DNAAF5: variants seen among roughly 807,000 people sequenced by gnomAD.
DNAAF5 encodes the protein HEAT repeat containing 2.
DNAAF5 carries 64 observed loss-of-function variants against 75.8 expected under a neutral mutation model. The observed-to-expected ratio is 0.84, with a 90% confidence interval of 0.69 to 1.04. The LOEUF is 1.04. Ranked by LOEUF, DNAAF5 falls within the 50% of genes least tolerant of loss-of-function variation. The pLI is 0.00. For missense variants in DNAAF5, 1,269 were observed against 1,178.5 expected, an observed-to-expected ratio of 1.08 and a Z score of -1.12; for synonymous variants, 657 against 557.2, an observed-to-expected ratio of 1.18 and a Z score of -2.52.
At chr7:766,559 AT>A (rs2128081880) in intron 8 of DNAAF5, among the ~76,000 whole-genome samples, 1 of 152,382 alleles carries the variant, frequency 6.6e-6, no homozygotes, top group Admixed American at 6.5e-5. Context: ...TTAGGAAAAT[AT>A]TTGCAATAAG....
chr7:749,704 T>C (rs1782228332), intron 4 of DNAAF5, among the ~76,000 whole-genome samples: 1 of 152,108 alleles, frequency 6.6e-6, no homozygotes, highest in African/African-American at 2.4e-5. Context: ...AGGAACTTCT[T>C]TTTCTTTTTT....
chr7:769,202 C>T (rs770566872), intron 8 of DNAAF5: 4 of 772,556 alleles, frequency 5.2e-6, no homozygotes, highest in African/African-American at 5.1e-5. Flanking sequence ...AGCAACGGCT[C>T]AAGGTGACTC....
intron 4 of DNAAF5, among the ~76,000 whole-genome samples, chr7:750,099 G>A (rs563006546): frequency 2.4e-4 from 37 of 152,212 alleles, no homozygotes; most frequent in Non-Finnish European, 4.8e-4. Context: ...ACCACGTGGA[G>A]GAGGGTGGTC....
At position 775,165 on chromosome 7, in the gene DNAAF5, A is replaced by C; in HGVS notation, c.2239+3A>C. On this transcript the variant is annotated splice_donor_region_variant and intron_variant, in intron 11 of 12. Coordinates refer to ENST00000297440, the MANE Select transcript of DNAAF5 (RefSeq NM_017802.4). ...GAAACTCATCAGGATTTATCCTGGTAGGACATTTCTGTTGTTCACAGCCTG... is the reference window on the plus strand; with the variant it reads ...GAAACTCATCAGGATTTATCCTGGTCGGACATTTCTGTTGTTCACAGCCTG... The C allele has an allele frequency of 6.2e-7, 1 of 1,613,974 alleles. No individual in the cohort carries two copies. Among genetic ancestry groups the C allele is most frequent in the Non-Finnish European group, 8.5e-7 (1 of 1,179,872 alleles).
Position 746,268 on chromosome 7 carries a change from C to T in DNAAF5, c.1024+4803C>T, listed in dbSNP as rs750159951. 3.2e-4 allele frequency among the ~76,000 whole-genome samples: 45 copies of T among 140,030 alleles called. 1 individual carries two copies. Among genetic ancestry groups the T allele is most frequent in the Non-Finnish European group, 6.7e-4 (43 of 64,334 alleles). 91.9% of individuals were successfully genotyped at this position (140,030 alleles called of 152,430 possible). ...GGGTCTGTGACGCTCTCCTTACTGT[C>T]TTGCCCCCCCCTGCCCGCTGGGCCC... is the stretch of plus-strand genomic sequence containing the variant. On this transcript the variant is annotated intron_variant, in intron 4 of 12. Transcript: ENST00000297440.
intron 7 of DNAAF5, among the ~76,000 whole-genome samples, chr7:763,468 C>T (rs369930475): frequency 1.3e-5 from 2 of 152,254 alleles, no homozygotes; most frequent in Non-Finnish European, 2.9e-5. Flanking sequence ...CTGCTCCTCA[C>T]CACCTCAGAG....
chr7:727,224 G>C lies in DNAAF5; in HGVS notation c.504G>C (p.Leu168=). The change falls in exon 1 of 13, where the codon CTG becomes CTC. Residue 168 remains leucine (L), a synonymous_variant. Coordinates refer to ENST00000297440, the MANE Select transcript of DNAAF5 (RefSeq NM_017802.4). ...TCGCGCCCCACCTGGACGACGCTCT[G>C]CGCGCGCTGCGCTGCTCCCTGCTCG... ...AALAPHLDDA[L]RALRCSLLDP... The C allele has an allele frequency of 7.4e-7, 1 of 1,347,766 alleles. No individual in the cohort carries two copies. Among genetic ancestry groups the C allele is most frequent in the Non-Finnish European group, 9.5e-7 (1 of 1,049,688 alleles). The allele number at this position is 1,347,766 out of a possible 1,614,324, so 83.5% of individuals were successfully genotyped here.
intron 4 of DNAAF5, among the ~76,000 whole-genome samples, chr7:752,820 G>T (rs1042393594): frequency 6.6e-6 from 1 of 152,252 alleles, no homozygotes; most frequent in Non-Finnish European, 1.5e-5. Flanking sequence ...GATGATGTAT[G>T]TAAGGATTTA....
Position 726,877 on chromosome 7 carries a change from C to T in DNAAF5, c.157C>T (p.Leu53=). 7.5e-7 allele frequency: 1 copy of T among 1,327,230 alleles called. No individual in the cohort carries two copies. The highest frequency in any genetic ancestry group is 9.6e-7 in the Non-Finnish European group (1 of 1,040,826). The allele number at this position is 1,327,230 out of a possible 1,614,324, so 82.2% of individuals were successfully genotyped here. Residue 53 remains leucine (L), a synonymous_variant, in exon 1 of 13, where the codon CTG becomes TTG. Transcript: ENST00000297440. Reference sequence around the variant, plus strand: ...GGGCCGGCGGCGCGCCTTGGAGGCCCTGCGGCGCGCGCTGGAGGAGCCAGG... The same window carrying T: ...GGGCCGGCGGCGCGCCTTGGAGGCCTTGCGGCGCGCGCTGGAGGAGCCAGG... ...KPGRRRALEA[L]RRALEEPGPA...
chr7:729,408 T>G (rs1781488017), intron 1 of DNAAF5, among the ~76,000 whole-genome samples: 1 of 152,232 alleles, frequency 6.6e-6, no homozygotes, highest in African/African-American at 2.4e-5. Flanking sequence ...CTTTCCCCGC[T>G]GGTCCTCCTA....
intron 2 of DNAAF5, among the ~76,000 whole-genome samples, chr7:732,187 C>T (rs895660626): frequency 3.3e-5 from 5 of 152,348 alleles, no homozygotes; most frequent in East Asian, 1.9e-4. Flanking sequence ...CCTTAGGCCC[C>T]GGGATGGTGT....
At chr7:745,742 G>GTACACATGTACATACACA (rs1782079656) in intron 4 of DNAAF5, among the ~76,000 whole-genome samples, 1 of 152,232 alleles carries the variant, frequency 6.6e-6, no homozygotes, top group African/African-American at 2.4e-5. Flanking sequence ...GCACATACAT[G>GTACACATGTACATACACA]TACACATGTA....
At chr7:782,777 C>A (rs955085800) in intron 12 of DNAAF5, among the ~76,000 whole-genome samples, 1 of 150,594 alleles carries the variant, frequency 6.6e-6, no homozygotes, top group Non-Finnish European at 1.5e-5. Flanking sequence ...CTGGCGTGGC[C>A]GCCTCCCGTC....
chr7:780,226 CGGCCACAGGGCCCTG>C, intron 12 of DNAAF5, 82 bp downstream of exon 12: 1 of 1,348,302 alleles, frequency 7.4e-7, no homozygotes, highest in Non-Finnish European at 1.0e-6. Flanking sequence ...GCCGTGTGAC[CGGCCACAGGGCCCTG>C]GGGCACAGGA....
chr7:742,036 C>G (rs1367360852), intron 4 of DNAAF5, among the ~76,000 whole-genome samples: 2 of 152,232 alleles, frequency 1.3e-5, no homozygotes, highest in Non-Finnish European at 2.9e-5. Flanking sequence ...GTGCATCTCT[C>G]CGCAGAGCCC....
chr7:753,677 CTG>C (rs1185772739), intron 4 of DNAAF5, among the ~76,000 whole-genome samples: 1 of 151,368 alleles, frequency 6.6e-6, no homozygotes, highest in Non-Finnish European at 1.5e-5. Context: ...GCTTGTCTCT[CTG>C]ATCATATGGG....
At chr7:770,756 TCTCC>T (rs1778535360) in intron 9 of DNAAF5, 138 bp downstream of exon 9, 9 of 774,048 alleles carry the variant, frequency 1.2e-5, no homozygotes, top group Non-Finnish European at 1.8e-5. Context: ...GGGTTCCCCA[TCTCC>T]CTCCCCCACA....
At chr7:764,749 T>G (rs1782768655) in intron 8 of DNAAF5, among the ~76,000 whole-genome samples, 1 of 152,190 alleles carries the variant, frequency 6.6e-6, no homozygotes, top group African/African-American at 2.4e-5. Flanking sequence ...TCTTTGTCAG[T>G]TGCATTCAAA....
chr7:779,231 T>C (rs1291218964), intron 11 of DNAAF5, among the ~76,000 whole-genome samples: 1 of 152,188 alleles, frequency 6.6e-6, no homozygotes, highest in Non-Finnish European at 1.5e-5. Context: ...ATGGGCCTGG[T>C]GCCAGGCGCG....
Sources: gnomAD v4.1 joint callset for allele counts (sites outside exome capture counted in the v4.1 genomes callset) on GRCh38, gnomAD v4.1.1 for gene constraint, MANE v1.5 for transcripts, NCBI Gene and HGNC (gene_info 2026-07-23, HGNC 2026-07-21) for gene names.